Variants in SPAG6 observed in about 807,000 individuals in gnomAD.
The protein encoded by SPAG6 is sperm associated antigen 6, also known as sperm-associated antigen 6.
In SPAG6, 49 loss-of-function variants were observed where a neutral mutation model predicts 58.5. The ratio of observed to expected loss-of-function variants is 0.84; its 90% CI spans 0.67 to 1.06. The LOEUF (loss-of-function observed/expected upper bound fraction) is 1.06, where lower values mean the gene tolerates loss of function less well. Ranked by LOEUF, SPAG6 falls within the 50% of genes least tolerant of loss-of-function variation. The probability of loss-of-function intolerance (pLI) is 0.00; values close to 1 mark genes in which losing one functional copy is unlikely to be tolerated. For missense variants in SPAG6, 560 were observed against 611.3 expected (o/e 0.92, Z 0.89); for synonymous variants, 233 against 225.6 (o/e 1.03, Z -0.29).
chr10:22,373,177 C>T (rs1303378573), intron 4 of SPAG6, among the ~76,000 whole-genome samples: 2 of 152,060 alleles, frequency 1.3e-5, no homozygotes, highest in Non-Finnish European at 2.9e-5. Context: ...GAGCTTGCTG[C>T]GCCAGAGATG....
chr10:22,361,856 A>G (rs2132044244), intron 2 of SPAG6, among the ~76,000 whole-genome samples: 1 of 151,686 alleles, frequency 6.6e-6, no homozygotes, highest in South Asian at 2.1e-4. Flanking sequence ...GTGCCAGGTA[A>G]ATTATTTCAT....
intron 9 of SPAG6, 94 bp from the exon 10 acceptor site, chr10:22,410,937 C>G: frequency 6.8e-6 from 9 of 1,324,388 alleles, no homozygotes; most frequent in Non-Finnish European, 9.2e-6. Context: ...TATAAATTCT[C>G]TTTTACATTT....
chr10:22,377,999 A>T (rs1043654786), intron 4 of SPAG6, among the ~76,000 whole-genome samples: 1 of 151,406 alleles, frequency 6.6e-6, no homozygotes, highest in African/African-American at 2.4e-5. Context: ...TATATTAATT[A>T]AAAAATTGTT....
At chr10:22,407,362 G>A (rs997224729) in intron 9 of SPAG6, among the ~76,000 whole-genome samples, 1 of 151,448 alleles carries the variant, frequency 6.6e-6, no homozygotes, top group African/African-American at 2.4e-5. Flanking sequence ...GCATTTGCTT[G>A]TCTGTAAAGT....
chr10:22,389,295 G>A lies in SPAG6; in HGVS notation c.988G>A (p.Ala330Thr). ...VAAHSENLAM[A>T]VIISKGVPQL... is the part of the protein sequence containing the mutation. ...AGCTCATTCTGAGAACCTAGCAATG[G>A]CAGTCATCATTTCTAAGGTTTGTTC... The change falls in exon 7 of 11, where the codon GCA becomes ACA. Residue 330 changes from alanine to threonine, a missense_variant. By Grantham distance (58) the Ala-to-Thr change is moderately conservative. Transcript: ENST00000376624. The A allele has an allele frequency of 6.2e-7, 1 of 1,611,952 alleles. No homozygotes were observed. The highest frequency in any genetic ancestry group is 1.1e-5 in the South Asian group (1 of 90,970).
At chr10:22,387,072 AAC>A in intron 5 of SPAG6, 113 bp downstream of exon 5, 1 of 744,262 alleles carries the variant, frequency 1.3e-6, no homozygotes, top group Non-Finnish European at 2.3e-6. Flanking sequence ...TATCATTGAA[AAC>A]AGATATGAAT....
At chr10:22,365,825 A>G (rs1482324581) in intron 3 of SPAG6, among the ~76,000 whole-genome samples, 2 of 152,236 alleles carry the variant, frequency 1.3e-5, no homozygotes, top group African/African-American at 4.8e-5. Flanking sequence ...GCTCCACAGC[A>G]TTAGTCATTA....
chr10:22,352,952 C>A (rs532798998), intron 2 of SPAG6, among the ~76,000 whole-genome samples: 1 of 152,292 alleles, frequency 6.6e-6, no homozygotes, highest in East Asian at 1.9e-4. Flanking sequence ...AAACTCAGTG[C>A]TCTGTTCAGA....
chr10:22,396,971 A>G (rs1834308053), intron 8 of SPAG6, among the ~76,000 whole-genome samples: 1 of 152,182 alleles, frequency 6.6e-6, no homozygotes, highest in South Asian at 2.1e-4. Flanking sequence ...ATAATCTGTT[A>G]TTCATTAGCT....
intron 2 of SPAG6, among the ~76,000 whole-genome samples, chr10:22,350,352 G>A (rs1355351645): frequency 6.6e-6 from 1 of 152,034 alleles, no homozygotes; most frequent in Non-Finnish European, 1.5e-5. Context: ...CATGGACATT[G>A]ATCTGTTTTG....
chr10:22,407,289 C>G (rs1296696334), intron 9 of SPAG6, among the ~76,000 whole-genome samples: 1 of 151,938 alleles, frequency 6.6e-6, no homozygotes, highest in Non-Finnish European at 1.5e-5. Flanking sequence ...TTGTTTCTTT[C>G]CATGTTTAGC....
intron 4 of SPAG6, among the ~76,000 whole-genome samples, chr10:22,378,848 T>C (rs568644674): frequency 2.0e-5 from 3 of 152,222 alleles, no homozygotes; most frequent in African/African-American, 4.8e-5. Flanking sequence ...CTGTGAGAGC[T>C]GCCTTCCCTC....
At chr10:22,373,744 A>G (rs961482240) in intron 4 of SPAG6, among the ~76,000 whole-genome samples, 2 of 151,804 alleles carry the variant, frequency 1.3e-5, no homozygotes. Flanking sequence ...CTTTTTTTCT[A>G]TTGTAGGGGG....
intron 7 of SPAG6, among the ~76,000 whole-genome samples, chr10:22,389,691 A>G (rs1371519017): frequency 6.6e-6 from 1 of 152,206 alleles, no homozygotes; most frequent in Admixed American, 6.5e-5. Flanking sequence ...TGGGAGGTCT[A>G]TATACCCCTC....
chr10:22,410,753 A>G (rs1183484936), intron 9 of SPAG6, among the ~76,000 whole-genome samples: 1 of 152,142 alleles, frequency 6.6e-6, no homozygotes, highest in African/African-American at 2.4e-5. Context: ...GAGCAAAGAG[A>G]CCTTGAATGG....
intron 4 of SPAG6, among the ~76,000 whole-genome samples, chr10:22,373,676 C>T (rs1345634089): frequency 6.6e-6 from 1 of 152,118 alleles, no homozygotes; most frequent in African/African-American, 2.4e-5. Context: ...TTACTGACGC[C>T]TATAGATTTC....
chr10:22,407,087 A>T (rs1442258508), intron 9 of SPAG6, among the ~76,000 whole-genome samples: 2 of 151,904 alleles, frequency 1.3e-5, no homozygotes, highest in Admixed American at 1.3e-4. Context: ...TTGACTCTTT[A>T]TCCAATTTGC....
chr10:22,416,291 A>T (rs1157765802), intron 10 of SPAG6, among the ~76,000 whole-genome samples: 1 of 152,126 alleles, frequency 6.6e-6, no homozygotes, highest in Non-Finnish European at 1.5e-5. Flanking sequence ...TTAAAGCAAC[A>T]TTAGCCACTT....
At chr10:22,405,279 T>C (rs1834522669) in intron 9 of SPAG6, among the ~76,000 whole-genome samples, 1 of 152,008 alleles carries the variant, frequency 6.6e-6, no homozygotes, top group Non-Finnish European at 1.5e-5. Flanking sequence ...GGGTTTGTCA[T>C]AGATAGCTCT....
Sources: allele counts gnomAD v4.1 joint callset (sites outside exome capture counted in the v4.1 genomes callset), GRCh38; gene constraint gnomAD v4.1.1; transcripts MANE v1.5; gene names NCBI Gene and HGNC (gene_info 2026-07-23, HGNC 2026-07-21).